SYT10: variants seen among roughly 807,000 people sequenced by gnomAD.
SYT10 encodes the protein synaptotagmin-10.
Under a neutral mutation model 51.1 loss-of-function variants are expected in SYT10, and 31 were observed. The ratio of observed to expected loss-of-function variants is 0.61; its 90% CI spans 0.46 to 0.82. The LOEUF is 0.82. Ranked by LOEUF, SYT10 falls within the 40% of genes least tolerant of loss-of-function variation. The pLI is 0.00. For synonymous variants in SYT10, 233 were observed against 225.9 expected (o/e 1.03, Z -0.28); for missense variants, 603 against 634.0 (o/e 0.95, Z 0.53).
intron 4 of SYT10, among the ~76,000 whole-genome samples, chr12:33,384,047 A>G (rs1866138126): frequency 6.6e-6 from 1 of 152,136 alleles, no homozygotes; most frequent in Non-Finnish European, 1.5e-5. Context: ...CATACACACT[A>G]TGTATCGCAA....
Position 33,426,141 on chromosome 12 carries a change from G to A in SYT10, c.506C>T (p.Thr169Ile). Residue 169 changes from threonine to isoleucine, a missense_variant, in exon 2 of 7, where the codon ACC (threonine) becomes ATC (isoleucine). Thr to Ile is a moderately conservative substitution (Grantham distance 89). Coordinates refer to ENST00000228567, the MANE Select transcript of SYT10 (RefSeq NM_198992.4). The stretch of plus-strand genomic sequence containing the variant: ...TATATATTTAATCTTTCCTTACCGG[G>A]TTGATGACGTAGGCTCAGTAATTTG... ...QRQITEPTSS[T>I]RHSSFRRHLP... The A allele has an allele frequency of 1.3e-6, 2 of 1,597,294 alleles. No individual in the cohort carries two copies. Among genetic ancestry groups the A allele is most frequent in the Non-Finnish European group, 1.7e-6 (2 of 1,174,570 alleles).
At chr12:33,410,699 T>C (rs1051335875) in intron 2 of SYT10, among the ~76,000 whole-genome samples, 4 of 152,104 alleles carry the variant, frequency 2.6e-5, no homozygotes, top group African/African-American at 9.7e-5. Flanking sequence ...CAGAGAATTA[T>C]ATGGATAAAA....
intron 1 of SYT10, among the ~76,000 whole-genome samples, chr12:33,428,961 T>A (rs891893720): frequency 6.6e-6 from 1 of 150,514 alleles, no homozygotes; most frequent in Non-Finnish European, 1.5e-5. Context: ...TGAGAGTAGA[T>A]AATTCCTTCA....
chr12:33,412,904 C>T (rs894087351), intron 2 of SYT10, among the ~76,000 whole-genome samples: 4 of 152,042 alleles, frequency 2.6e-5, no homozygotes, highest in African/African-American at 7.2e-5. Flanking sequence ...GGAGGAAGTT[C>T]GAACCCATCC....
chr12:33,374,291 A>T lies in SYT10; in HGVS notation c.*2539T>A, dbSNP rs1485935112. 4.6e-5 allele frequency: 7 copies of T among 151,784 alleles called. No homozygotes were observed. Among genetic ancestry groups the T allele is most frequent in the Non-Finnish European group, 1.0e-4 (7 of 67,870 alleles). 9.4% of individuals were successfully genotyped at this position (151,784 alleles called of 1,614,324 possible). ...TGGTAAGTCCCTGAAGAAGTCCCTG[A>T]AATTAGATGTTCATTATATACCTGA... On this transcript the variant is annotated 3_prime_UTR_variant, in exon 7 of 7. Transcript: ENST00000228567.
chr12:33,379,771 A>G, intron 6 of SYT10, 61 bp downstream of exon 6: 1 of 1,587,768 alleles, frequency 6.3e-7, no homozygotes, highest in East Asian at 2.2e-5. Flanking sequence ...GTTAGCAAAT[A>G]AATAATATTT....
chr12:33,382,884 G>GA (rs1866128168), intron 4 of SYT10, among the ~76,000 whole-genome samples: 2 of 152,160 alleles, frequency 1.3e-5, no homozygotes, highest in South Asian at 4.1e-4. Context: ...AACTTGGATG[G>GA]AAAAAAATGA....
At chr12:33,392,434 C>A (rs917003300) in intron 3 of SYT10, among the ~76,000 whole-genome samples, 1 of 152,106 alleles carries the variant, frequency 6.6e-6, no homozygotes, top group Admixed American at 6.5e-5. Context: ...AATTTTTGCA[C>A]AACACGCCCT....
chr12:33,377,610 T>A (rs1866074160), intron 6 of SYT10, among the ~76,000 whole-genome samples: 1 of 139,230 alleles, frequency 7.2e-6, no homozygotes, highest in Non-Finnish European at 1.5e-5. Flanking sequence ...AAAAGGAACC[T>A]GATTTTCTTT....
At chr12:33,414,392 C>T (rs1866435888) in intron 2 of SYT10, among the ~76,000 whole-genome samples, 1 of 152,204 alleles carries the variant, frequency 6.6e-6, no homozygotes, top group Admixed American at 6.5e-5. Context: ...TTCTTCTCAG[C>T]ACCACATTGC....
At chr12:33,394,164 G>A (rs1337064270) in intron 3 of SYT10, among the ~76,000 whole-genome samples, 1 of 152,190 alleles carries the variant, frequency 6.6e-6, no homozygotes, top group Non-Finnish European at 1.5e-5. Context: ...ATAGGTGCCA[G>A]CTTCCTTTTA....
At chr12:33,416,714 G>A (rs559841868) in intron 2 of SYT10, among the ~76,000 whole-genome samples, 37 of 152,160 alleles carry the variant, frequency 2.4e-4, no homozygotes, top group African/African-American at 8.4e-4. Flanking sequence ...CACAATTTCA[G>A]GCATGCTTCC....
chr12:33,385,364 A>T (rs1866148987), intron 3 of SYT10, 73 bp from the exon 4 acceptor site: 1 of 1,548,762 alleles, frequency 6.5e-7, no homozygotes, highest in Admixed American at 1.9e-5. Flanking sequence ...ATTTTAGTAG[A>T]ATACTGGAAT....
chr12:33,406,976 T>C lies in SYT10; in HGVS notation c.890A>G (p.Asp297Gly). The C allele has an allele frequency of 6.2e-7, 1 of 1,614,144 alleles. No individual in the cohort carries two copies. The highest frequency in any genetic ancestry group is 8.5e-7 in the Non-Finnish European group (1 of 1,180,024). Residue 297 changes from aspartate (D) to glycine (G), a missense_variant, in exon 3 of 7, where the codon GAT becomes GGT. Physicochemically the swap from Asp to Gly is moderately conservative, Grantham distance 94. Coordinates refer to ENST00000228567, the MANE Select transcript of SYT10 (RefSeq NM_198992.4). ...VHRKTLNPLF[D>G]ETFQFPVAYD... ...TGCTACAGGAAATTGAAAAGTTTCATCAAATAGAGGATTTAAAGTCTTTCT... is the reference window on the plus strand; with the variant it reads ...TGCTACAGGAAATTGAAAAGTTTCACCAAATAGAGGATTTAAAGTCTTTCT...
intron 2 of SYT10, chr12:33,424,032 G>C (rs1444004376): frequency 4.4e-6 from 2 of 455,270 alleles, no homozygotes; most frequent in African/African-American, 2.0e-5. Flanking sequence ...ATGAAAGTCA[G>C]AGGCAGGTGA....
At chr12:33,408,024 A>C (rs1417683973) in intron 2 of SYT10, 1 of 152,258 alleles carries the variant, frequency 6.6e-6, no homozygotes, top group East Asian at 1.9e-4. Context: ...TTCCACAGAA[A>C]ATTGTGAATG....
chr12:33,399,965 T>A (rs1199293411), intron 3 of SYT10, among the ~76,000 whole-genome samples: 1 of 152,142 alleles, frequency 6.6e-6, no homozygotes. Context: ...GGAATGTTCA[T>A]AGAGGAGCAG....
At chr12:33,431,581 C>T (rs1172131790) in intron 1 of SYT10, among the ~76,000 whole-genome samples, 1 of 152,050 alleles carries the variant, frequency 6.6e-6, no homozygotes, top group Non-Finnish European at 1.5e-5. Flanking sequence ...TTATAAAATA[C>T]ATACTTTAAA....
intron 3 of SYT10, among the ~76,000 whole-genome samples, chr12:33,395,221 G>A (rs1321242121): frequency 6.6e-6 from 1 of 152,154 alleles, no homozygotes; most frequent in East Asian, 1.9e-4. Context: ...CTTTGAAAAA[G>A]TTTTTTAGAA....
Sources: gnomAD v4.1 joint callset for allele counts (sites outside exome capture counted in the v4.1 genomes callset) on GRCh38, gnomAD v4.1.1 for gene constraint, MANE v1.5 for transcripts, NCBI Gene and HGNC (gene_info 2026-07-23, HGNC 2026-07-21) for gene names.